The following PARVG variants were observed in gnomAD, a reference collection of about 807,000 sequenced individuals.
PARVG encodes the protein gamma-parvin.
A neutral mutation model predicts 44.4 loss-of-function variants in PARVG; 36 were observed. The ratio of observed to expected loss-of-function variants is 0.81; its 90% CI spans 0.62 to 1.07. PARVG has a LOEUF of 1.07. Among genes scored for constraint, PARVG ranks in the 50% least tolerant of loss-of-function variants. PARVG has a pLI of 0.00. For synonymous variants in PARVG, 170 were observed against 174.1 expected, an observed-to-expected ratio of 0.98 and a Z score of 0.19; for missense variants, 407 against 407.4, an observed-to-expected ratio of 1.00 and a Z score of 0.01.
chr22:44,176,832 C>G (rs550304309), upstream of PARVG, among the ~76,000 whole-genome samples: 1 of 152,236 alleles, frequency 6.6e-6, no homozygotes, highest in Non-Finnish European at 1.5e-5. Context: ...GCTGGAGAGG[C>G]CTCACAATGA....
chr22:44,194,599 CCATT>C (rs1037011290), intron 9 of PARVG, among the ~76,000 whole-genome samples: 1 of 151,844 alleles, frequency 6.6e-6, no homozygotes, highest in African/African-American at 2.4e-5. Context: ...ATTCATGCCT[CCATT>C]CATCCATCCA....
chr22:44,201,094 G>C (rs1177142272), intron 12 of PARVG, among the ~76,000 whole-genome samples: 1 of 152,108 alleles, frequency 6.6e-6, no homozygotes, highest in Non-Finnish European at 1.5e-5. Context: ...CACGCAGGCT[G>C]TGCTCTCAGC....
At chr22:44,190,738 TG>T in intron 7 of PARVG, 72 bp downstream of exon 7, 1 of 1,302,266 alleles carries the variant, frequency 7.7e-7, no homozygotes. Context: ...GTACCCTGCA[TG>T]GGTGGAGCTG....
In PARVG at chr22:44,196,174, A is replaced by G; in HGVS notation, c.603A>G (p.Leu201=). The G allele has an allele frequency of 6.2e-7, 1 of 1,614,178 alleles. No individual in the cohort carries two copies. Among genetic ancestry groups the G allele is most frequent in the Non-Finnish European group, 8.5e-7 (1 of 1,180,010 alleles). Residue 201 remains leucine, a synonymous_variant, in exon 10 of 14, where the codon TTA becomes TTG. Transcript: ENST00000444313. ...CTGCAGAGGACGTCTTTGATGAATT[A>G]TTTAAGCTGGCTCCGGAGAAAGTGA... The part of the protein sequence containing the change: ...DEPPKDVFDE[L]FKLAPEKVNA...
At chr22:44,187,361 C>G in intron 4 of PARVG, 1 of 226,774 alleles carries the variant, frequency 4.4e-6, no homozygotes, top group South Asian at 6.9e-5. Context: ...CTCCTAGGAC[C>G]TCAGAAGGGG....
chr22:44,195,647 G>A (rs1351165079), intron 9 of PARVG, among the ~76,000 whole-genome samples: 1 of 152,302 alleles, frequency 6.6e-6, no homozygotes, highest in South Asian at 2.1e-4. Context: ...GGGGCGGGGG[G>A]AGGCAGCAGG....
chr22:44,188,169 G>C (rs534976258), intron 5 of PARVG: 7 of 442,216 alleles, frequency 1.6e-5, no homozygotes, highest in African/African-American at 1.4e-4. Context: ...GCTGTTTTGA[G>C]GTGCTGGGAG....
upstream of PARVG, among the ~76,000 whole-genome samples, chr22:44,177,892 T>C (rs930672845): frequency 2.0e-5 from 3 of 152,224 alleles, no homozygotes; most frequent in Non-Finnish European, 2.9e-5. Context: ...TTAGTTAATA[T>C]AGTGTTTATC....
chr22:44,205,559 G>T (rs975061473), intron 12 of PARVG, among the ~76,000 whole-genome samples, 198 bp from the exon 13 acceptor site: 1 of 152,246 alleles, frequency 6.6e-6, no homozygotes, highest in Non-Finnish European at 1.5e-5. Context: ...GACATGGATT[G>T]CTTGTGTGAC....
chr22:44,188,246 C>A (rs1035054005), intron 5 of PARVG: 1 of 239,312 alleles, frequency 4.2e-6, no homozygotes, highest in Non-Finnish European at 8.4e-6. Context: ...AACGGGCAGT[C>A]CTGGGTGGCT....
upstream of PARVG, among the ~76,000 whole-genome samples, chr22:44,180,195 C>G (rs1267397620): frequency 6.6e-6 from 1 of 152,154 alleles, no homozygotes; most frequent in African/African-American, 2.4e-5. Context: ...TATCCCGAGG[C>G]CCCTCTTAGA....
intron 12 of PARVG, among the ~76,000 whole-genome samples, chr22:44,200,143 G>A (rs2054686635): frequency 6.6e-6 from 1 of 152,184 alleles, no homozygotes; most frequent in African/African-American, 2.4e-5. Context: ...CCAGCTCCCT[G>A]GGCTCTCCCA....
In PARVG at chr22:44,206,380, C is replaced by T. The variant is rs377027264; in HGVS notation, c.950C>T (p.Thr317Met). 43 of 1,613,926 alleles carry T rather than the reference C, an allele frequency of 2.7e-5. No homozygotes were observed. The highest frequency in any genetic ancestry group is 3.1e-5 in the Non-Finnish European group (37 of 1,179,996). Residue 317 changes from threonine (T) to methionine (M), a missense_variant, in exon 14 of 14, where the codon ACG (threonine) becomes ATG (methionine). Transcript: ENST00000444313. ...RVLYGLFCKH[T>M]QKAHRDRTPH... ...CTCTATGGTCTGTTCTGCAAGCACA[C>T]GCAGAAGGCACACAGGGACAGGACG...
At chr22:44,203,017 C>T (rs573527381) in intron 12 of PARVG, among the ~76,000 whole-genome samples, 8 of 152,222 alleles carry the variant, frequency 5.3e-5, no homozygotes, top group South Asian at 4.1e-4. Flanking sequence ...AAGCCACACG[C>T]GGAAGAAAAA....
Position 44,181,821 on chromosome 22 carries a change from A to G in PARVG, c.-109A>G, listed in dbSNP as rs1882869731. On this transcript the variant is annotated 5_prime_UTR_variant, in exon 2 of 14. Transcript: ENST00000444313. ...TCCTGCCTCCCGGCCTGGTCCCCGA[A>G]GACCCCAGAAGAACCCGGAACTTGC... 1.4e-5 allele frequency: 14 copies of G among 985,392 alleles called. No individual in the cohort carries two copies. In the South Asian group the frequency reaches 4.7e-4, roughly 33 times the overall value. 61.0% of individuals were successfully genotyped at this position (985,392 alleles called of 1,614,324 possible). A position where few individuals can be genotyped will look rare whatever the true frequency, so the allele number is the denominator to read the frequency against.
rs1430091866 is a variant in PARVG, at chr22:44,198,665, A to T, written c.756A>T (p.Glu252Asp). The change falls in exon 12 of 14, where the codon GAA becomes GAT. Residue 252 changes from glutamate (E) to aspartate (D), a missense_variant. By Grantham distance (45) the Glu-to-Asp change is conservative. Transcript: ENST00000444313. The part of the protein sequence containing the change: ...VILLLLIGQL[E>D]GFFLHLKEFY... The stretch of plus-strand genomic sequence containing the variant: ...TACTCTTGCTGATTGGACAACTTGA[A>T]GGCTTCTTCCTGCACTTAAAGGAAT... The T allele has an allele frequency of 6.2e-7, 1 of 1,613,966 alleles. No individual in the cohort carries two copies.
chr22:44,202,013 G>A (rs2054716599), intron 12 of PARVG, among the ~76,000 whole-genome samples: 1 of 152,270 alleles, frequency 6.6e-6, no homozygotes, highest in Non-Finnish European at 1.5e-5. Context: ...GTGTGTGGGT[G>A]CAGAATTGGG....
intron 4 of PARVG, 22 bp from the exon 5 acceptor site, chr22:44,187,754 G>A: frequency 6.2e-7 from 1 of 1,613,562 alleles, no homozygotes; most frequent in Non-Finnish European, 8.5e-7. Context: ...CCCCCCAAAA[G>A]TTGTCCCCTT....
Position 44,185,885 on chromosome 22 carries a change from C to G in PARVG, c.144+13C>G. The G allele has an allele frequency of 6.2e-7, 1 of 1,611,422 alleles. No individual in the cohort carries two copies. Among genetic ancestry groups the G allele is most frequent in the African/African-American group, 1.3e-5 (1 of 74,956 alleles). ...AGAACTGCAGAAGGTACAGCAGCCTCCACAGCCCTGACTTCCCTGGGTGCC... is the reference window on the plus strand; with the variant it reads ...AGAACTGCAGAAGGTACAGCAGCCTGCACAGCCCTGACTTCCCTGGGTGCC... On this transcript the variant is annotated intron_variant, in intron 4 of 13. Coordinates refer to ENST00000444313, the MANE Select transcript of PARVG (RefSeq NM_022141.7).
Sources: gnomAD v4.1 joint callset for allele counts (sites outside exome capture counted in the v4.1 genomes callset) on GRCh38, gnomAD v4.1.1 for gene constraint, MANE v1.5 for transcripts, NCBI Gene and HGNC (gene_info 2026-07-23, HGNC 2026-07-21) for gene names.